Variants in ITCH observed in about 807,000 individuals in gnomAD.
The protein encoded by ITCH is E3 ubiquitin-protein ligase Itchy homolog.
In ITCH, 28 loss-of-function variants were observed where a neutral mutation model predicts 126.8. The observed-to-expected ratio is 0.22, with a 90% CI of 0.16 to 0.30. The LOEUF (loss-of-function observed/expected upper bound fraction) is 0.30, where lower values mean the gene tolerates loss of function less well. Ranked by LOEUF, ITCH falls within the 10% of genes least tolerant of loss-of-function variation. The probability of loss-of-function intolerance (pLI) is 1.00; values close to 1 mark genes in which losing one functional copy is unlikely to be tolerated. For synonymous variants in ITCH, 342 were observed against 340.0 expected, an observed-to-expected ratio of 1.01 and a Z score of -0.06; for missense variants, 631 against 1,032.4, an observed-to-expected ratio of 0.61 and a Z score of 5.33.
At position 34,504,312 on chromosome 20, in the gene ITCH, T is replaced by C; in HGVS notation, c.2417-19T>C. The C allele has an allele frequency of 6.3e-7, 1 of 1,596,040 alleles. No homozygotes were observed. On this transcript the variant is annotated intron_variant, in intron 23 of 24. Coordinates refer to ENST00000374864, the MANE Select transcript of ITCH (RefSeq NM_031483.7). ...ATCCACTATACTAACAAACTGTTTA[T>C]GATTTCATTATGTTTTAGGGAGCAA... is the stretch of plus-strand genomic sequence containing the variant.
At chr20:34,378,111 T>C (rs1180389108) in intron 2 of ITCH, among the ~76,000 whole-genome samples, 1 of 152,112 alleles carries the variant, frequency 6.6e-6, no homozygotes, top group Non-Finnish European at 1.5e-5. Flanking sequence ...ATAGTCTTTT[T>C]CGCAAGTAAG....
At chr20:34,436,853 G>A (rs1271301950) in intron 7 of ITCH, among the ~76,000 whole-genome samples, 3 of 152,180 alleles carry the variant, frequency 2.0e-5, no homozygotes, top group Admixed American at 1.3e-4. Context: ...GGACTGGTAC[G>A]CAGTGGCTCG....
chr20:34,386,487 A>C (rs916788741), intron 2 of ITCH, among the ~76,000 whole-genome samples: 4 of 152,176 alleles, frequency 2.6e-5, no homozygotes, highest in Non-Finnish European at 2.9e-5. Flanking sequence ...AGATTGTTTG[A>C]GAGTTTGACT....
At chr20:34,476,389 C>T in intron 16 of ITCH, 1 of 1,273,374 alleles carries the variant, frequency 7.9e-7, no homozygotes. Context: ...AGCGCGGGAC[C>T]CGGCGTGGTG....
At chr20:34,365,063 G>A (rs2037366909) in intron 1 of ITCH, among the ~76,000 whole-genome samples, 1 of 152,044 alleles carries the variant, frequency 6.6e-6, no homozygotes, top group African/African-American at 2.4e-5. Context: ...TGCCGGGTGT[G>A]GTGGCAGGCG....
At chr20:34,379,594 CTTTTT>C (rs757940621) in intron 2 of ITCH, among the ~76,000 whole-genome samples, 3 of 135,526 alleles carry the variant, frequency 2.2e-5, no homozygotes, top group Non-Finnish European at 4.8e-5. Context: ...AATATTTGTC[CTTTTT>C]TTTTTTTTTT....
intron 3 of ITCH, among the ~76,000 whole-genome samples, chr20:34,395,331 C>T (rs1329833405): frequency 6.6e-6 from 1 of 151,560 alleles, no homozygotes; most frequent in Non-Finnish European, 1.5e-5. Flanking sequence ...TAATTGTTTT[C>T]TTCTTTGGTG....
intron 2 of ITCH, among the ~76,000 whole-genome samples, chr20:34,385,222 GTTTTT>G (rs1186821960): frequency 2.3e-5 from 2 of 85,158 alleles, no homozygotes. Context: ...TGTGTGTGTG[GTTTTT>G]TTTTTTTTTT....
intron 2 of ITCH, chr20:34,384,386 A>C (rs554165662): frequency 2.0e-5 from 3 of 150,894 alleles, no homozygotes; most frequent in Admixed American, 6.7e-5. Context: ...GCTTCAAGCA[A>C]TTCTCTTCCT....
intron 4 of ITCH, among the ~76,000 whole-genome samples, chr20:34,409,176 TA>T (rs1403198447): frequency 8.8e-6 from 1 of 114,138 alleles, no homozygotes; most frequent in Non-Finnish European, 1.7e-5. Context: ...TTTTTAAAAA[TA>T]GTGTTTTAGT....
rs779017298 is a variant in ITCH at position 34,372,384 on chromosome 20, C to CTTTTTTTTTTTTTTTTTTTTT, written c.-22+2928_-22+2929insTTTTTTTTTTTTTTTTTTTTT. On this transcript the variant is annotated intron_variant, in intron 2 of 24. Transcript: ENST00000374864. Reference sequence around the variant, plus strand: ...AGAAACCATGTTATTTTAAGTTCTACTTTTTTTTTTTTTTGAGAGGGAATC... The same window carrying CTTTTTTTTTTTTTTTTTTTTT: ...AGAAACCATGTTATTTTAAGTTCTACTTTTTTTTTTTTTTTTTTTTTTTTTTTTTTTTTTTGAGAGGGAATC... Among the ~76,000 whole-genome samples, 11 of 93,156 alleles carry CTTTTTTTTTTTTTTTTTTTTT rather than the reference C, an allele frequency of 1.2e-4. 2 individuals carry two copies. Among genetic ancestry groups the CTTTTTTTTTTTTTTTTTTTTT allele is most frequent in the African/African-American group, 2.3e-4 (5 of 21,500 alleles). The allele number at this position is 93,156 out of a possible 152,430, so 61.1% of individuals were successfully genotyped here.
intron 10 of ITCH, among the ~76,000 whole-genome samples, chr20:34,444,785 T>A (rs1163423394): frequency 7.2e-5 from 11 of 152,164 alleles, no homozygotes; most frequent in East Asian, 1.9e-4. Flanking sequence ...GGACTACAGA[T>A]CTGCGCCACC....
At chr20:34,490,036 C>A in intron 22 of ITCH, 110 bp downstream of exon 22, 1 of 740,942 alleles carries the variant, frequency 1.3e-6, no homozygotes, top group South Asian at 1.4e-5. Flanking sequence ...TATATAGACC[C>A]CTTAGTCCAT....
At chr20:34,433,152 T>A (rs560780700) in intron 7 of ITCH, among the ~76,000 whole-genome samples, 1 of 151,876 alleles carries the variant, frequency 6.6e-6, no homozygotes, top group South Asian at 2.1e-4. Context: ...TGGCCGGGCA[T>A]GGTGGCAGGT....
In ITCH at chr20:34,509,531, G is replaced by A. The variant is rs1449072248; in HGVS notation, c.*1737G>A. ...TGTAAGATACTGCCATCATAAAGCA[G>A]AGACTTACATGAGTGAAAGGGTTGC... On this transcript the variant is annotated 3_prime_UTR_variant, in exon 25 of 25. Transcript: ENST00000374864. 1 of 152,636 alleles carries A rather than the reference G, an allele frequency of 6.6e-6. No homozygotes were observed. Among genetic ancestry groups the A allele is most frequent in the Non-Finnish European group, 1.5e-5 (1 of 68,046 alleles). 9.5% of individuals were successfully genotyped at this position (152,636 alleles called of 1,614,324 possible). A position where few individuals can be genotyped will look rare whatever the true frequency, so the allele number is the denominator to read the frequency against.
chr20:34,405,394 G>A (rs1452060461), intron 3 of ITCH, among the ~76,000 whole-genome samples: 2 of 151,920 alleles, frequency 1.3e-5, no homozygotes, highest in African/African-American at 4.8e-5. Flanking sequence ...AACCCCAGCT[G>A]CTTGGGAGGC....
intron 11 of ITCH, among the ~76,000 whole-genome samples, chr20:34,449,084 TG>T (rs142334715): frequency 6.6e-6 from 1 of 152,128 alleles, no homozygotes; most frequent in African/African-American, 2.4e-5. Flanking sequence ...AAATGACTTT[TG>T]GGGGGGTTAT....
At chr20:34,381,519 T>C (rs1228343007) in intron 2 of ITCH, among the ~76,000 whole-genome samples, 3 of 151,960 alleles carry the variant, frequency 2.0e-5, no homozygotes, top group Non-Finnish European at 4.4e-5. Context: ...CTCCGCCTCC[T>C]GGGTTCAAGT....
Position 34,479,857 on chromosome 20 carries a change from A to G in ITCH, c.1818+68A>G, listed in dbSNP as rs1202402754. ...AATACTAAATTTTCTCTTAGGTGCCATAACAGATCATATGAGAGAAAGGGA... is the reference window on the plus strand; with the variant it reads ...AATACTAAATTTTCTCTTAGGTGCCGTAACAGATCATATGAGAGAAAGGGA... On this transcript the variant is annotated intron_variant, in intron 18 of 24. Coordinates refer to ENST00000374864, the MANE Select transcript of ITCH (RefSeq NM_031483.7). 3.8e-6 allele frequency: 5 copies of G among 1,309,072 alleles called. No homozygotes were observed. In the African/African-American group the frequency reaches 4.4e-5, roughly 11 times the overall value. 81.1% of individuals were successfully genotyped at this position (1,309,072 alleles called of 1,614,324 possible). A position where few individuals can be genotyped will look rare whatever the true frequency, so the allele number is the denominator to read the frequency against.
Sources: allele counts gnomAD v4.1 joint callset (sites outside exome capture counted in the v4.1 genomes callset), GRCh38; gene constraint gnomAD v4.1.1; transcripts MANE v1.5; gene names NCBI Gene and HGNC (gene_info 2026-07-23, HGNC 2026-07-21).